The following EPHA3 variants were observed in gnomAD, a reference collection of about 807,000 sequenced individuals.
EPHA3 encodes EPH receptor A3.
Under a neutral mutation model 107.1 loss-of-function variants are expected in EPHA3, and 42 were observed. That is an observed-to-expected ratio of 0.39 (90% CI 0.31 to 0.51). EPHA3 has a LOEUF of 0.51. Among genes scored for constraint, EPHA3 ranks in the 20% least tolerant of loss-of-function variants. The pLI, the probability that EPHA3 is intolerant of heterozygous loss-of-function variation, is 0.78. For synonymous variants in EPHA3, 461 were observed against 424.8 expected (o/e 1.09, Z -1.05); for missense variants, 1,183 against 1,211.2 (o/e 0.98, Z 0.35).
At chr3:89,452,448 T>C (rs1455490051) in intron 15 of EPHA3, among the ~76,000 whole-genome samples, 1 of 152,200 alleles carries the variant, frequency 6.6e-6, no homozygotes, top group East Asian at 1.9e-4. Flanking sequence ...CTCTAATGAC[T>C]AGCGATGTTG....
intron 3 of EPHA3, among the ~76,000 whole-genome samples, chr3:89,245,021 G>C (rs139789300): frequency 2.6e-5 from 4 of 152,140 alleles, no homozygotes; most frequent in African/African-American, 9.7e-5. Context: ...GGTAAGTATT[G>C]TTGGCCATTC....
chr3:89,275,446 G>A (rs1274925116), intron 3 of EPHA3, among the ~76,000 whole-genome samples: 1 of 151,994 alleles, frequency 6.6e-6, no homozygotes. Flanking sequence ...TGGATTCGTA[G>A]TCATACTAAT....
chr3:89,259,301 C>T (rs1334198118), intron 3 of EPHA3, among the ~76,000 whole-genome samples: 1 of 152,142 alleles, frequency 6.6e-6, no homozygotes, highest in East Asian at 1.9e-4. Flanking sequence ...TAACCCTGAC[C>T]ACCTCCTATC....
rs544539109 is a variant in EPHA3, at chr3:89,334,251, A to G, written c.815-6665A>G. 1.1e-4 allele frequency among the ~76,000 whole-genome samples: 17 copies of G among 152,350 alleles called. No individual in the cohort carries two copies. In the South Asian group the frequency reaches 3.5e-3, roughly 32 times the overall value. ...AAACCAATATGCCCTTTGAATATAC[A>G]CTACTCTGCTAGAGGAAAGCACTGC... On this transcript the variant is annotated intron_variant, in intron 3 of 16. Coordinates refer to ENST00000336596, the MANE Select transcript of EPHA3 (RefSeq NM_005233.6).
chr3:89,309,080 G>T (rs777494753), intron 3 of EPHA3, among the ~76,000 whole-genome samples: 1 of 152,056 alleles, frequency 6.6e-6, no homozygotes, highest in East Asian at 1.9e-4. Context: ...AGTAGTGAAA[G>T]TATCAAATGT....
rs573857924 is a variant in EPHA3, at chr3:89,399,350, G to T, written c.1464G>T (p.Arg488Ser). The change falls in exon 7 of 17, where the codon AGG becomes AGT. Residue 488 changes from arginine (R) to serine (S), a missense_variant. By Grantham distance (110) the Arg-to-Ser change is moderately radical. Coordinates refer to ENST00000336596, the MANE Select transcript of EPHA3 (RefSeq NM_005233.6). ...AAGAAACAAGTTATACCATTCTGAGGGCAAGAGGCACAAATGTTACCATCA... is the reference window on the plus strand; with the variant it reads ...AAGAAACAAGTTATACCATTCTGAGTGCAAGAGGCACAAATGTTACCATCA... ...QEQETSYTILRARGTNVTISS... is the reference protein window; with the variant it reads ...QEQETSYTILSARGTNVTISS... 1 of 1,612,334 alleles carries T rather than the reference G, an allele frequency of 6.2e-7. No individual in the cohort carries two copies. The highest frequency in any genetic ancestry group is 1.7e-5 in the Admixed American group (1 of 59,904).
At chr3:89,471,865 T>C (rs1710410286) in intron 15 of EPHA3, among the ~76,000 whole-genome samples, 1 of 152,148 alleles carries the variant, frequency 6.6e-6, no homozygotes, top group African/African-American at 2.4e-5. Flanking sequence ...TCATTTGGTG[T>C]CAAGTATGCA....
chr3:89,128,094 A>G (rs1285909384), intron 2 of EPHA3, among the ~76,000 whole-genome samples: 1 of 152,124 alleles, frequency 6.6e-6, no homozygotes, highest in Admixed American at 6.6e-5. Flanking sequence ...ATAGGAACAA[A>G]TTTATGTATT....
At chr3:89,397,408 A>G (rs1470823071) in intron 6 of EPHA3, among the ~76,000 whole-genome samples, 1 of 152,218 alleles carries the variant, frequency 6.6e-6, no homozygotes, top group Non-Finnish European at 1.5e-5. Context: ...CTTAAAAATC[A>G]GTAATGTGCC....
rs542059669 is a variant in EPHA3, at chr3:89,145,508, T to C, written c.153+18235T>C. The stretch of plus-strand genomic sequence containing the variant: ...GAATGATCTTCATAATATAGCTCTT[T>C]GAAAGATCTTATCTTGCAATCTTTT... On this transcript the variant is annotated intron_variant, in intron 2 of 16. Transcript: ENST00000336596. Among the ~76,000 whole-genome samples, 11 of 151,900 alleles carry C rather than the reference T, an allele frequency of 7.2e-5. No individual in the cohort carries two copies. In the South Asian group the frequency reaches 2.3e-3, roughly 32 times the overall value.
At chr3:89,460,338 T>C (rs558335596) in intron 15 of EPHA3, among the ~76,000 whole-genome samples, 16 of 147,638 alleles carry the variant, frequency 1.1e-4, no homozygotes, top group Admixed American at 3.5e-4. Flanking sequence ...AGGTTTTAAA[T>C]GGAAGGCAAC....
rs574075337 is a variant in EPHA3 at position 89,111,530 on chromosome 3, T to C, written c.88+3694T>C. Among the ~76,000 whole-genome samples the C allele has an allele frequency of 7.2e-5, 8 of 111,292 alleles. No homozygotes were observed. In the South Asian group the frequency reaches 2.7e-3, roughly 37 times the overall value. The allele number at this position is 111,292 out of a possible 152,430, so 73.0% of individuals were successfully genotyped here. ...ACATCCCCCCCCCACCCCGCCTCCA[T>C]GGTTAACTGTGCTATTTGCCTGAAG... On this transcript the variant is annotated intron_variant, in intron 1 of 16. Transcript: ENST00000336596.
At chr3:89,442,536 G>A (rs570440348) in intron 13 of EPHA3, among the ~76,000 whole-genome samples, 11 of 152,174 alleles carry the variant, frequency 7.2e-5, no homozygotes, top group Admixed American at 2.6e-4. Flanking sequence ...AGATGACAGC[G>A]GCAGAAGTGC....
At chr3:89,161,112 C>T (rs73845992) in intron 2 of EPHA3, among the ~76,000 whole-genome samples, 4,818 of 152,136 alleles carry the variant, frequency 0.032, 269 homozygotes, top group African/African-American at 0.11. Flanking sequence ...TCTGGTAAGA[C>T]AATTAGAGTG....
intron 13 of EPHA3, among the ~76,000 whole-genome samples, chr3:89,435,121 G>A (rs1005788631): frequency 2.0e-5 from 3 of 150,080 alleles, no homozygotes; most frequent in African/African-American, 7.6e-5. Context: ...AGCTAAATGA[G>A]GCAGCATTCT....
At chr3:89,340,781 G>A in intron 3 of EPHA3, 135 bp from the exon 4 acceptor site, 1 of 866,140 alleles carries the variant, frequency 1.2e-6, no homozygotes, top group Non-Finnish European at 1.6e-6. Context: ...TCTGTCATTT[G>A]CTTCTGTAAA....
chr3:89,309,269 C>T lies in EPHA3; in HGVS notation c.815-31647C>T, dbSNP rs370377607. Among the ~76,000 whole-genome samples the T allele has an allele frequency of 6.2e-4, 94 of 151,950 alleles. 3 individuals carry two copies. The highest frequency in any genetic ancestry group is 3.9e-4 in the East Asian group (2 of 5,182). Reference sequence around the variant, plus strand: ...ACTCTTTCCACAAATATTTTCAAGACGAAAACTTAATTGTTACATCAGCAT... The same window carrying T: ...ACTCTTTCCACAAATATTTTCAAGATGAAAACTTAATTGTTACATCAGCAT... On this transcript the variant is annotated intron_variant, in intron 3 of 16. Transcript: ENST00000336596.
intron 15 of EPHA3, among the ~76,000 whole-genome samples, chr3:89,453,659 A>C (rs1443026315): frequency 1.3e-5 from 2 of 152,180 alleles, no homozygotes; most frequent in Non-Finnish European, 2.9e-5. Context: ...TACTATATGC[A>C]ACTATGTCAA....
intron 3 of EPHA3, among the ~76,000 whole-genome samples, chr3:89,315,162 C>T (rs1706865701): frequency 6.6e-6 from 1 of 151,702 alleles, no homozygotes; most frequent in Non-Finnish European, 1.5e-5. Flanking sequence ...TGGTATGTGA[C>T]TGTATATATT....
Sources: gnomAD v4.1 joint callset for allele counts (sites outside exome capture counted in the v4.1 genomes callset) on GRCh38, gnomAD v4.1.1 for gene constraint, MANE v1.5 for transcripts, NCBI Gene and HGNC (gene_info 2026-07-23, HGNC 2026-07-21) for gene names.